Variants in CCDC57 observed in about 807,000 individuals in gnomAD.
CCDC57 encodes the protein coiled-coil domain containing 57, also known as coiled-coil domain-containing protein 57.
A neutral mutation model predicts 118.9 loss-of-function variants in CCDC57; 118 were observed. The observed-to-expected ratio is 0.99, with a 90% CI of 0.86 to 1.16. The LOEUF is 1.16. CCDC57 is among the 50% of genes most tolerant of loss of function. CCDC57 has a pLI of 0.00. For missense variants in CCDC57, 1,300 were observed against 1,320.7 expected (o/e 0.98, Z 0.24); for synonymous variants, 527 against 532.9 (o/e 0.99, Z 0.15).
intron 19 of CCDC57, among the ~76,000 whole-genome samples, chr17:82,104,203 C>A (rs1055149967): frequency 6.6e-6 from 1 of 152,248 alleles, no homozygotes; most frequent in Non-Finnish European, 1.5e-5. Context: ...CCTGTTTTGC[C>A]GAGCCTGGCC....
At chr17:82,121,997 C>T (rs1021074306) in intron 19 of CCDC57, among the ~76,000 whole-genome samples, 19 of 152,164 alleles carry the variant, frequency 1.2e-4, no homozygotes, top group African/African-American at 4.1e-4. Flanking sequence ...GTGTCAGGAA[C>T]GCTCCTTCCT....
intron 19 of CCDC57, among the ~76,000 whole-genome samples, chr17:82,124,810 GA>G (rs1006355466): frequency 5.6e-5 from 8 of 142,796 alleles, no homozygotes; most frequent in East Asian, 2.1e-4. Context: ...AAGAGAAAAA[GA>G]AAAAAAAAAT....
At chr17:82,209,159 C>T (rs1182845404) in intron 1 of CCDC57, among the ~76,000 whole-genome samples, 1 of 152,052 alleles carries the variant, frequency 6.6e-6, no homozygotes, top group East Asian at 1.9e-4. Context: ...GAGAGATGGG[C>T]AGTAGGTCTG....
chr17:82,135,693 G>C (rs961432443), intron 16 of CCDC57, among the ~76,000 whole-genome samples: 12 of 152,126 alleles, frequency 7.9e-5, no homozygotes, highest in African/African-American at 2.9e-4. Flanking sequence ...AACACCATTG[G>C]TCACCAGGAG....
chr17:82,147,315 T>TGGATGGATGGGC (rs2040893386), intron 16 of CCDC57, among the ~76,000 whole-genome samples: 1 of 103,532 alleles, frequency 9.7e-6, no homozygotes, highest in Non-Finnish European at 2.0e-5. Flanking sequence ...GGTGGGTGGG[T>TGGATGGATGGGC]GGATGGATGG....
exon 14 of CCDC57, chr17:82,163,264 G>C: frequency 1.2e-6 from 2 of 1,614,070 alleles, no homozygotes; most frequent in Non-Finnish European, 1.7e-6. Flanking sequence ...CTTCCTGAGT[G>C]CCAGTCCAGA....
At chr17:82,108,460 GT>G (rs2035018285) in intron 19 of CCDC57, among the ~76,000 whole-genome samples, 1 of 152,212 alleles carries the variant, frequency 6.6e-6, no homozygotes, top group African/African-American at 2.4e-5. Context: ...ACAACAGTGA[GT>G]TTCAGGGCAG....
At chr17:82,114,563 T>C (rs1443944828) in intron 19 of CCDC57, among the ~76,000 whole-genome samples, 1 of 152,246 alleles carries the variant, frequency 6.6e-6, no homozygotes, top group Admixed American at 6.5e-5. Flanking sequence ...CGGCGCCCAC[T>C]GGCTCCTGAA....
At chr17:82,117,604 A>G (rs888657401) in intron 19 of CCDC57, among the ~76,000 whole-genome samples, 1 of 152,130 alleles carries the variant, frequency 6.6e-6, no homozygotes, top group Non-Finnish European at 1.5e-5. Context: ...TTAGTGAGCC[A>G]TGGCTGCGGC....
At chr17:82,207,440 T>C (rs760133039) in intron 2 of CCDC57, 3 of 152,196 alleles carry the variant, frequency 2.0e-5, no homozygotes, top group Non-Finnish European at 4.4e-5. Context: ...AACATCACTA[T>C]TGTAAAACCT....
chr17:82,125,824 A>G (rs572354769), intron 19 of CCDC57, among the ~76,000 whole-genome samples: 29 of 152,254 alleles, frequency 1.9e-4, no homozygotes, highest in Non-Finnish European at 3.2e-4. Context: ...TTCTGACCCA[A>G]TGGAACTGCC....
chr17:82,103,331 G>A (rs1418920043), intron 19 of CCDC57, among the ~76,000 whole-genome samples: 3 of 152,094 alleles, frequency 2.0e-5, no homozygotes, highest in Non-Finnish European at 4.4e-5. Context: ...CTGGGGTCCT[G>A]GGGGGCCCTG....
chr17:82,128,011 C>T, intron 18 of CCDC57, 103 bp from the exon 18 acceptor site: 1 of 1,493,956 alleles, frequency 6.7e-7, no homozygotes, highest in Non-Finnish European at 8.9e-7. Flanking sequence ...CGACAGTGGG[C>T]CTGGCTTAAA....
chr17:82,178,974 C>A lies in CCDC57; in HGVS notation c.1374+53G>T, dbSNP rs1462311975. On this transcript the variant is annotated intron_variant, in intron 10 of 19. Transcript: ENST00000665763. ...AAGAACCAGACCCGTCCTGCCCAGC[C>A]CCACCTCTGCAGAGACGCCGAGAAG... 5 of 1,581,656 alleles carry A rather than the reference C, an allele frequency of 3.2e-6. No individual in the cohort carries two copies. In the African/African-American group the frequency reaches 6.8e-5, roughly 21 times the overall value.
At chr17:82,106,048 G>A (rs982814912) in intron 19 of CCDC57, among the ~76,000 whole-genome samples, 5 of 152,220 alleles carry the variant, frequency 3.3e-5, no homozygotes, top group African/African-American at 7.2e-5. Context: ...TCCTCTGGGC[G>A]CCTGTGGCTA....
chr17:82,194,804 C>T (rs185420688), intron 5 of CCDC57, among the ~76,000 whole-genome samples: 7 of 152,384 alleles, frequency 4.6e-5, no homozygotes, highest in East Asian at 1.9e-4. Flanking sequence ...AAGCCACTCG[C>T]GTCCCAGCTG....
At chr17:82,165,735 C>T (rs537329153) in intron 13 of CCDC57, among the ~76,000 whole-genome samples, 2 of 152,290 alleles carry the variant, frequency 1.3e-5, no homozygotes, top group South Asian at 4.1e-4. Context: ...AGAACCAGCA[C>T]AGCAAAACCT....
At chr17:82,103,643 G>A (rs1008129923) in intron 19 of CCDC57, among the ~76,000 whole-genome samples, 10 of 152,248 alleles carry the variant, frequency 6.6e-5, no homozygotes, top group African/African-American at 2.4e-4. Flanking sequence ...AGGGATTCTG[G>A]GGGCTTTGCC....
Position 82,118,584 on chromosome 17 carries a change from C to G in CCDC57, c.2899+9108G>C, listed in dbSNP as rs1464577906. 1.3e-5 allele frequency among the ~76,000 whole-genome samples: 2 copies of G among 152,020 alleles called. No individual in the cohort carries two copies. The highest frequency in any genetic ancestry group is 3.9e-4 in the East Asian group (2 of 5,174). ...GCACTTGATACACACCCATAAGGTG[C>G]ACTCTAGGGAGGTGGAGGCAGGCCT... is the stretch of plus-strand genomic sequence containing the variant. On this transcript the variant is annotated intron_variant, in intron 19 of 19. Coordinates refer to ENST00000665763, the Ensembl canonical transcript of CCDC57. The surrounding 1 kb of genome is among the most constrained non-coding windows in gnomAD (Gnocchi z 4.7).
Sources: allele counts gnomAD v4.1 joint callset (sites outside exome capture counted in the v4.1 genomes callset), GRCh38; gene constraint gnomAD v4.1.1; non-coding constraint Gnocchi (gnomAD v3.1); transcripts MANE v1.5; gene names NCBI Gene and HGNC (gene_info 2026-07-23, HGNC 2026-07-21).